GMDS: variants seen among roughly 807,000 people sequenced by gnomAD.
GMDS encodes the protein GDP-mannose 4,6-dehydratase, also known as GDP-mannose 4,6 dehydratase.
GMDS carries 20 observed loss-of-function variants against 49.9 expected under a neutral mutation model. The observed-to-expected ratio is 0.40, with a 90% CI of 0.28 to 0.58. The LOEUF is 0.58. Among genes scored for constraint, GMDS ranks in the 20% least tolerant of loss-of-function variants. The pLI is 0.42. For missense variants in GMDS, 362 were observed against 481.4 expected (o/e 0.75, Z 2.32); for synonymous variants, 177 against 178.6 (o/e 0.99, Z 0.07).
At chr6:1,814,750 T>C (rs1339897044) in intron 7 of GMDS, among the ~76,000 whole-genome samples, 1 of 152,218 alleles carries the variant, frequency 6.6e-6, no homozygotes, top group Non-Finnish European at 1.5e-5. Flanking sequence ...AATATATATA[T>C]ATTCAAAATT....
intron 9 of GMDS, among the ~76,000 whole-genome samples, chr6:1,723,589 T>C (rs1766467730): frequency 1.3e-5 from 1 of 76,362 alleles, no homozygotes; most frequent in Non-Finnish European, 2.2e-5. Context: ...TCGGCCTCTT[T>C]ATGGCAATTT....
chr6:1,938,323 AT>A (rs1381908895), intron 6 of GMDS, among the ~76,000 whole-genome samples: 1 of 152,144 alleles, frequency 6.6e-6, no homozygotes, highest in Admixed American at 6.6e-5. Context: ...CTTTGTCATC[AT>A]TCTTTCTTGC....
At chr6:2,002,120 G>A (rs1223528980) in intron 4 of GMDS, among the ~76,000 whole-genome samples, 1 of 152,172 alleles carries the variant, frequency 6.6e-6, no homozygotes, top group Non-Finnish European at 1.5e-5. Context: ...GTCTTGAAGG[G>A]AAAATTGGAT....
chr6:1,707,165 G>A (rs9503013), intron 9 of GMDS, among the ~76,000 whole-genome samples: 115,914 of 152,160 alleles, frequency 0.76, 47,999 homozygotes, highest in Middle Eastern at 0.93. Flanking sequence ...CAATATTAGT[G>A]TTGGTTGTGA....
intron 1 of GMDS, among the ~76,000 whole-genome samples, chr6:2,241,955 T>C (rs572954441): frequency 5.3e-5 from 8 of 152,232 alleles, no homozygotes; most frequent in African/African-American, 1.7e-4. Context: ...ATGGAAAAAG[T>C]AAGTCAACAG....
chr6:1,979,208 A>G (rs990967768), intron 4 of GMDS, among the ~76,000 whole-genome samples: 3 of 152,334 alleles, frequency 2.0e-5, no homozygotes, highest in South Asian at 2.1e-4. Context: ...GATGGCTGAA[A>G]TAACAGAAGG....
At chr6:1,851,083 C>T (rs1561845080) in intron 7 of GMDS, among the ~76,000 whole-genome samples, 1 of 152,296 alleles carries the variant, frequency 6.6e-6, no homozygotes, top group South Asian at 2.1e-4. Flanking sequence ...GCAGGCTGTA[C>T]GAGGTTAAGG....
At chr6:1,801,381 C>G (rs1458018452) in intron 7 of GMDS, among the ~76,000 whole-genome samples, 3 of 152,192 alleles carry the variant, frequency 2.0e-5, no homozygotes, top group Non-Finnish European at 4.4e-5. Context: ...ATCCTGGTAG[C>G]TATTCAGTAG....
intron 7 of GMDS, among the ~76,000 whole-genome samples, chr6:1,811,755 T>C (rs1770440301): frequency 1.3e-5 from 2 of 152,234 alleles, no homozygotes; most frequent in African/African-American, 4.8e-5. Flanking sequence ...ATGACAGTGA[T>C]GTACTGGTTT....
intron 9 of GMDS, among the ~76,000 whole-genome samples, chr6:1,631,894 T>C (rs1297698681): frequency 1.3e-5 from 2 of 152,198 alleles, no homozygotes; most frequent in Non-Finnish European, 2.9e-5. Context: ...TGATATCTGT[T>C]AGCAAATTTT....
chr6:1,676,550 A>AACCAAAACAGCATGCTACTGGT (rs1388572834), intron 9 of GMDS, among the ~76,000 whole-genome samples: 10 of 152,252 alleles, frequency 6.6e-5, no homozygotes, highest in African/African-American at 2.4e-4. Context: ...AGGCTACAGT[A>AACCAAAACAGCATGCTACTGGT]ACCAAAACAG....
intron 6 of GMDS, among the ~76,000 whole-genome samples, chr6:1,959,032 CAAAT>C (rs1486768000): frequency 6.6e-6 from 1 of 152,120 alleles, no homozygotes; most frequent in Non-Finnish European, 1.5e-5. Flanking sequence ...CCAATACAAA[CAAAT>C]ACAGTTTTCC....
chr6:1,998,094 A>T (rs1157077840), intron 4 of GMDS, among the ~76,000 whole-genome samples: 2 of 152,192 alleles, frequency 1.3e-5, no homozygotes, highest in Non-Finnish European at 2.9e-5. Context: ...ATCGGGGAAG[A>T]TCAAATCTTG....
chr6:2,134,597 A>G (rs994828673), intron 1 of GMDS, among the ~76,000 whole-genome samples: 2 of 152,234 alleles, frequency 1.3e-5, no homozygotes, highest in African/African-American at 4.8e-5. Context: ...TCTCTGATTC[A>G]GTCTAGCCTG....
At chr6:2,224,864 A>C (rs1350219706) in intron 1 of GMDS, among the ~76,000 whole-genome samples, 1 of 152,226 alleles carries the variant, frequency 6.6e-6, no homozygotes, top group East Asian at 1.9e-4. Context: ...TGTGTCCTTC[A>C]ACCCTCACCT....
intron 7 of GMDS, among the ~76,000 whole-genome samples, chr6:1,772,862 C>T (rs1768636329): frequency 1.3e-5 from 2 of 152,204 alleles, no homozygotes; most frequent in South Asian, 2.1e-4. Context: ...AAAATACTAC[C>T]TCTGTGTTCC....
intron 7 of GMDS, among the ~76,000 whole-genome samples, chr6:1,796,285 A>G (rs1769732284): frequency 6.6e-6 from 1 of 152,192 alleles, no homozygotes; most frequent in Non-Finnish European, 1.5e-5. Flanking sequence ...AAAAAAATCT[A>G]TGTAAGAAAA....
chr6:1,654,242 G>C (rs1156368775), intron 9 of GMDS, among the ~76,000 whole-genome samples: 1 of 152,198 alleles, frequency 6.6e-6, no homozygotes, highest in African/African-American at 2.4e-5. Context: ...ATATGATCTG[G>C]CATTTCCACT....
At chr6:1,923,050 T>TTG (rs1280195924) in intron 7 of GMDS, among the ~76,000 whole-genome samples, 1 of 152,180 alleles carries the variant, frequency 6.6e-6, no homozygotes, top group African/African-American at 2.4e-5. Context: ...ATTCTCTCTC[T>TTG]TCCCTGCTGC....
Sources: allele counts gnomAD v4.1 joint callset (sites outside exome capture counted in the v4.1 genomes callset), GRCh38; gene constraint gnomAD v4.1.1; transcripts MANE v1.5; gene names NCBI Gene and HGNC (gene_info 2026-07-23, HGNC 2026-07-21).